The following DMRT1 variants were observed in gnomAD, a reference collection of about 807,000 sequenced individuals.
DMRT1 encodes the protein doublesex and mab-3 related transcription factor 1, also known as doublesex- and mab-3-related transcription factor 1.
A neutral mutation model predicts 32.3 loss-of-function variants in DMRT1; 7 were observed. The observed-to-expected ratio is 0.22, with a 90% confidence interval of 0.12 to 0.41. DMRT1 has a LOEUF of 0.41. Ranked by LOEUF, DMRT1 falls within the 10% of genes least tolerant of loss-of-function variation. The pLI is 1.00. For missense variants in DMRT1, 625 were observed against 500.5 expected, an observed-to-expected ratio of 1.25 and a Z score of -2.37; for synonymous variants, 278 against 206.1, an observed-to-expected ratio of 1.35 and a Z score of -2.99.
At chr9:858,870 AATATAT>A (rs139337855) in intron 2 of DMRT1, among the ~76,000 whole-genome samples, 41 of 48,058 alleles carry the variant, frequency 8.5e-4, no homozygotes, top group African/African-American at 2.8e-3. Flanking sequence ...AAAAAAAAAA[AATATAT>A]ATATATATAT....
chr9:901,911 C>CTTTT (rs34006231), intron 3 of DMRT1, among the ~76,000 whole-genome samples: 43 of 114,314 alleles, frequency 3.8e-4, no homozygotes, highest in African/African-American at 1.3e-3. Context: ...GAAACTAGCC[C>CTTTT]TTTTTTTTTT....
chr9:854,329 G>T (rs1815296023), intron 2 of DMRT1, among the ~76,000 whole-genome samples: 1 of 152,082 alleles, frequency 6.6e-6, no homozygotes, highest in South Asian at 2.1e-4. Context: ...CTCTTGCCCA[G>T]GTTGGAGTGC....
At chr9:936,453 T>G (rs1372721067) in intron 4 of DMRT1, among the ~76,000 whole-genome samples, 1 of 152,114 alleles carries the variant, frequency 6.6e-6, no homozygotes, top group Non-Finnish European at 1.5e-5. Context: ...TAGGCTATAT[T>G]AATAATGTCT....
At chr9:922,130 C>T (rs752867637) in intron 4 of DMRT1, among the ~76,000 whole-genome samples, 13 of 152,086 alleles carry the variant, frequency 8.5e-5, no homozygotes, top group Non-Finnish European at 7.4e-5. Flanking sequence ...CCTCCCACCT[C>T]GGCCTCCCAA....
chr9:845,472 T>C (rs1035127260), intron 1 of DMRT1, among the ~76,000 whole-genome samples: 5 of 152,162 alleles, frequency 3.3e-5, no homozygotes, highest in Non-Finnish European at 5.9e-5. Context: ...CATCGCAAAG[T>C]GATGGGATTA....
intron 4 of DMRT1, among the ~76,000 whole-genome samples, chr9:932,838 A>C (rs555576415): frequency 1.4e-4 from 22 of 152,252 alleles, no homozygotes; most frequent in Admixed American, 2.6e-4. Context: ...TTTTAAATAA[A>C]GGATACAACT....
chr9:964,683 A>G (rs1819877515), intron 4 of DMRT1, among the ~76,000 whole-genome samples: 1 of 152,062 alleles, frequency 6.6e-6, no homozygotes, highest in Non-Finnish European at 1.5e-5. Context: ...TTCCCCAAGC[A>G]CAAGAGCAGT....
In DMRT1 at chr9:954,079, G is replaced by T. The variant is rs544475155; in HGVS notation, c.968-13906G>T. Among the ~76,000 whole-genome samples, 144 of 152,238 alleles carry T rather than the reference G, an allele frequency of 9.5e-4. 1 individual carries two copies. The highest frequency in any genetic ancestry group is 3.3e-3 in the African/African-American group (136 of 41,552). On this transcript the variant is annotated intron_variant, in intron 4 of 4. Transcript: ENST00000382276. The stretch of plus-strand genomic sequence containing the variant: ...AGTCTGTGGGACTGGCATGAACTCA[G>T]CATCAAAGGCAGGGGACCTTAGAGG...
At chr9:936,367 A>C (rs1818885694) in intron 4 of DMRT1, among the ~76,000 whole-genome samples, 1 of 152,154 alleles carries the variant, frequency 6.6e-6, no homozygotes, top group Non-Finnish European at 1.5e-5. Flanking sequence ...AGATGAAAGA[A>C]CTATCTCCTG....
chr9:948,883 C>CT (rs1460456566), intron 4 of DMRT1, among the ~76,000 whole-genome samples: 4 of 149,372 alleles, frequency 2.7e-5, no homozygotes, highest in Non-Finnish European at 5.9e-5. Context: ...TGGTGAAACT[C>CT]TGTCTCTACT....
At chr9:924,745 A>G (rs1818466661) in intron 4 of DMRT1, among the ~76,000 whole-genome samples, 1 of 152,202 alleles carries the variant, frequency 6.6e-6, no homozygotes, top group Non-Finnish European at 1.5e-5. Flanking sequence ...AATATATTAC[A>G]CTTATGATAT....
intron 2 of DMRT1, among the ~76,000 whole-genome samples, chr9:874,912 A>G (rs1480838629): frequency 1.5e-5 from 2 of 137,334 alleles, no homozygotes; most frequent in Non-Finnish European, 3.0e-5. Flanking sequence ...GGTTCATGCC[A>G]TTCTCTTGCC....
chr9:908,895 G>C (rs1481003591), intron 3 of DMRT1, among the ~76,000 whole-genome samples: 1 of 152,110 alleles, frequency 6.6e-6, no homozygotes, highest in Non-Finnish European at 1.5e-5. Context: ...GGACTCTTGG[G>C]TTCTTCAGCA....
intron 2 of DMRT1, among the ~76,000 whole-genome samples, chr9:890,317 C>T (rs957584289): frequency 1.3e-5 from 2 of 152,060 alleles, no homozygotes; most frequent in Non-Finnish European, 2.9e-5. Context: ...CATGTGCCCT[C>T]TCCAGACTTG....
intron 4 of DMRT1, among the ~76,000 whole-genome samples, chr9:940,369 A>G (rs1819023154): frequency 6.6e-6 from 1 of 152,160 alleles, no homozygotes; most frequent in Non-Finnish European, 1.5e-5. Flanking sequence ...CATAGAGACC[A>G]ATAGACTAGG....
chr9:867,692 A>G (rs960333880), intron 2 of DMRT1, among the ~76,000 whole-genome samples: 1 of 152,210 alleles, frequency 6.6e-6, no homozygotes, highest in African/African-American at 2.4e-5. Flanking sequence ...CTCATGCCCT[A>G]CATCGGGCTC....
intron 2 of DMRT1, among the ~76,000 whole-genome samples, chr9:886,811 A>G (rs1816949090): frequency 6.6e-6 from 1 of 152,166 alleles, no homozygotes; most frequent in African/African-American, 2.4e-5. Flanking sequence ...CTGACACCCC[A>G]GTGTTGAAGC....
rs755850220 is a variant in DMRT1, at chr9:906,031, C to CACACACA, written c.823-10732_823-10731insACACACA. 8.3e-4 allele frequency among the ~76,000 whole-genome samples: 16 copies of CACACACA among 19,332 alleles called. No individual in the cohort carries two copies. The South Asian group carries it at 8.3e-3, about 10-fold the overall frequency. 12.7% of individuals were successfully genotyped at this position (19,332 alleles called of 152,430 possible). A position where few individuals can be genotyped will look rare whatever the true frequency, so the allele number is the denominator to read the frequency against. ...CAAGATGCTTCTGTGACACACACACCCACACACACACACACACACACTCAC... is the reference window on the plus strand; with the variant it reads ...CAAGATGCTTCTGTGACACACACACCACACACACACACACACACACACACACACTCAC... On this transcript the variant is annotated intron_variant, in intron 3 of 4. Coordinates refer to ENST00000382276, the MANE Select transcript of DMRT1 (RefSeq NM_021951.3).
At chr9:869,123 C>T (rs892847321) in intron 2 of DMRT1, among the ~76,000 whole-genome samples, 19 of 152,212 alleles carry the variant, frequency 1.2e-4, no homozygotes, top group Non-Finnish European at 4.4e-5. Flanking sequence ...GTTGAGGCTT[C>T]TGAGGAAGTT....
Sources: gnomAD v4.1 joint callset for allele counts (sites outside exome capture counted in the v4.1 genomes callset) on GRCh38, gnomAD v4.1.1 for gene constraint, MANE v1.5 for transcripts, NCBI Gene and HGNC (gene_info 2026-07-23, HGNC 2026-07-21) for gene names.